The following PRKG1 variants were observed in gnomAD, a reference collection of about 807,000 sequenced individuals.
PRKG1 encodes protein kinase cGMP-dependent 1.
Under a neutral mutation model 88.1 loss-of-function variants are expected in PRKG1, and 35 were observed. The ratio of observed to expected loss-of-function variants is 0.40; its 90% CI spans 0.30 to 0.53. The LOEUF is 0.53. Among genes scored for constraint, PRKG1 ranks in the 20% least tolerant of loss-of-function variants. PRKG1 has a pLI of 0.59. For missense variants in PRKG1, 540 were observed against 839.8 expected, an observed-to-expected ratio of 0.64 and a Z score of 4.41; for synonymous variants, 303 against 292.5, an observed-to-expected ratio of 1.04 and a Z score of -0.37.
intron 3 of PRKG1, among the ~76,000 whole-genome samples, chr10:51,717,827 G>C (rs1351888938): frequency 6.9e-6 from 1 of 144,298 alleles, no homozygotes; most frequent in African/African-American, 2.6e-5. Flanking sequence ...GCGAGACTCT[G>C]TCTCAAAAAA....
chr10:52,188,248 ATGTG>A (rs370527422), intron 9 of PRKG1, among the ~76,000 whole-genome samples: 596 of 4,310 alleles, frequency 0.14, 8 homozygotes, highest in East Asian at 0.34. Flanking sequence ...ATACATATAT[ATGTG>A]TATATATATA....
chr10:52,292,010 A>T (rs1175434102), intron 17 of PRKG1, among the ~76,000 whole-genome samples: 5 of 152,110 alleles, frequency 3.3e-5, no homozygotes. Context: ...CCAGTGATCC[A>T]GTGATGATGA....
At chr10:51,504,710 G>C (rs1176697209) in intron 3 of PRKG1, among the ~76,000 whole-genome samples, 1 of 152,040 alleles carries the variant, frequency 6.6e-6, no homozygotes, top group African/African-American at 2.4e-5. Context: ...TGGATTCCTA[G>C]GTATTTTATT....
intron 1 of PRKG1, among the ~76,000 whole-genome samples, chr10:51,021,798 G>C (rs1194314227): frequency 6.6e-6 from 1 of 151,888 alleles, no homozygotes; most frequent in Admixed American, 6.6e-5. Flanking sequence ...CTCCTGCCTC[G>C]GCCTCCTGAG....
At chr10:52,192,496 C>T (rs1288625386) in intron 9 of PRKG1, among the ~76,000 whole-genome samples, 1 of 152,068 alleles carries the variant, frequency 6.6e-6, no homozygotes, top group South Asian at 2.1e-4. Flanking sequence ...AAGGGAGTAG[C>T]ATATTAAGTT....
intron 3 of PRKG1, among the ~76,000 whole-genome samples, chr10:51,505,062 G>T (rs867413898): frequency 2.0e-5 from 3 of 152,230 alleles, no homozygotes; most frequent in Middle Eastern, 6.8e-3. Context: ...TTTTCAAAGG[G>T]AATGCTTCCA....
At chr10:50,997,583 AG>A (rs1292525651) in intron 1 of PRKG1, among the ~76,000 whole-genome samples, 17 of 152,162 alleles carry the variant, frequency 1.1e-4, no homozygotes, top group Admixed American at 1.1e-3. Flanking sequence ...ATAGTTGCTC[AG>A]GGTATGAATA....
intron 4 of PRKG1, among the ~76,000 whole-genome samples, chr10:51,858,281 G>A (rs367895573): frequency 9.7e-4 from 9 of 9,316 alleles, no homozygotes; most frequent in South Asian, 4.5e-3. Flanking sequence ...TTATACATAT[G>A]TATAATTATA....
intron 2 of PRKG1, among the ~76,000 whole-genome samples, chr10:51,347,664 C>T (rs926465686): frequency 7.2e-5 from 11 of 152,056 alleles, no homozygotes; most frequent in African/African-American, 2.4e-4. Context: ...ATAAGATTAA[C>T]AGAAGGCTTT....
At chr10:52,202,660 T>A (rs1267572976) in intron 9 of PRKG1, among the ~76,000 whole-genome samples, 1 of 144,606 alleles carries the variant, frequency 6.9e-6, no homozygotes, top group Non-Finnish European at 1.5e-5. Flanking sequence ...CCACCTGGGC[T>A]TTTTTTTTTG....
intron 2 of PRKG1, among the ~76,000 whole-genome samples, chr10:51,412,211 GAGAA>G (rs374467182): frequency 6.5e-5 from 8 of 123,940 alleles, no homozygotes; most frequent in Non-Finnish European, 1.3e-4. Flanking sequence ...GAGAGAGAGA[GAGAA>G]AGAAAGAGAG....
chr10:51,087,727 C>T (rs1189061029), intron 1 of PRKG1, among the ~76,000 whole-genome samples: 1 of 152,100 alleles, frequency 6.6e-6, no homozygotes, highest in East Asian at 1.9e-4. Context: ...ATAGTTCTTT[C>T]AATAATACTG....
chr10:51,862,402 A>G (rs932893931), intron 4 of PRKG1, among the ~76,000 whole-genome samples: 1 of 152,110 alleles, frequency 6.6e-6, no homozygotes, highest in Non-Finnish European at 1.5e-5. Flanking sequence ...TTCTTGTCCT[A>G]TGATCAAGAA....
chr10:52,170,976 C>G (rs1337493996), intron 9 of PRKG1, among the ~76,000 whole-genome samples: 2 of 152,160 alleles, frequency 1.3e-5, no homozygotes, highest in African/African-American at 4.8e-5. Context: ...AAATCAGGAC[C>G]TAGGTCTGCA....
chr10:51,029,634 A>G (rs1390925973), intron 1 of PRKG1, among the ~76,000 whole-genome samples: 1 of 152,202 alleles, frequency 6.6e-6, no homozygotes, highest in East Asian at 1.9e-4. Flanking sequence ...ATTAGGTTCC[A>G]GTCCCAACTC....
intron 2 of PRKG1, among the ~76,000 whole-genome samples, chr10:51,297,961 T>C (rs1840765808): frequency 6.6e-6 from 1 of 152,122 alleles, no homozygotes; most frequent in Admixed American, 6.5e-5. Context: ...CTTGTTACTA[T>C]AAGTGATATA....
Position 52,068,202 on chromosome 10 carries a change from C to CAAAAA in PRKG1, c.935+5592_935+5596dup, listed in dbSNP as rs71032621. 6.4e-3 allele frequency among the ~76,000 whole-genome samples: 247 copies of CAAAAA among 38,840 alleles called. 10 individuals carry two copies. Among genetic ancestry groups the CAAAAA allele is most frequent in the South Asian group, 9.9e-3 (5 of 504 alleles). The allele number at this position is 38,840 out of a possible 152,430, so 25.5% of individuals were successfully genotyped here. On this transcript the variant is annotated intron_variant, in intron 7 of 17. Transcript: ENST00000373980. ...TGGGCGACAGAGCGAAACTCCGTCT[C>CAAAAA]AAAAAAAAAAAAAAAAAAAAAAAAA...
intron 4 of PRKG1, among the ~76,000 whole-genome samples, chr10:51,904,770 G>A (rs1465984987): frequency 6.6e-6 from 1 of 152,040 alleles, no homozygotes; most frequent in Non-Finnish European, 1.5e-5. Flanking sequence ...GCATTTAAAA[G>A]AGGCATTTAA....
chr10:51,625,376 C>G (rs985775380), intron 3 of PRKG1, among the ~76,000 whole-genome samples: 1 of 152,098 alleles, frequency 6.6e-6, no homozygotes, highest in African/African-American at 2.4e-5. Context: ...ATTTGGGAGG[C>G]TGAGGCAGGT....
Sources: gnomAD v4.1 joint callset for allele counts (sites outside exome capture counted in the v4.1 genomes callset) on GRCh38, gnomAD v4.1.1 for gene constraint, MANE v1.5 for transcripts, NCBI Gene and HGNC (gene_info 2026-07-23, HGNC 2026-07-21) for gene names.